Variants in ROBO2 observed in about 807,000 individuals in gnomAD.
ROBO2 encodes roundabout guidance receptor 2, also known as roundabout homolog 2.
Under a neutral mutation model 160.8 loss-of-function variants are expected in ROBO2, and 53 were observed. That is an observed-to-expected ratio of 0.33 (90% CI 0.26 to 0.41). The LOEUF (loss-of-function observed/expected upper bound fraction) is 0.41. Among genes scored for constraint, ROBO2 ranks in the 10% least tolerant of loss-of-function variants. The probability of loss-of-function intolerance (pLI) is 1.00; values close to 1 mark genes in which losing one functional copy is unlikely to be tolerated. For missense variants in ROBO2, 1,577 were observed against 1,722.4 expected, an observed-to-expected ratio of 0.92 and a Z score of 1.49; for synonymous variants, 664 against 611.7, an observed-to-expected ratio of 1.09 and a Z score of -1.26.
chr3:76,660,640 A>G (rs1012441066), intron 2 of ROBO2, among the ~76,000 whole-genome samples: 1 of 152,156 alleles, frequency 6.6e-6, no homozygotes, highest in African/African-American at 2.4e-5. Flanking sequence ...AATCATCTTT[A>G]TTTAGGTCTT....
intron 2 of ROBO2, among the ~76,000 whole-genome samples, chr3:76,733,832 T>C (rs1404784288): frequency 6.6e-6 from 1 of 152,240 alleles, no homozygotes; most frequent in Admixed American, 6.5e-5. Context: ...AACATGCATT[T>C]ATTTCTTATA....
chr3:77,113,722 A>G (rs1185176628), intron 2 of ROBO2, among the ~76,000 whole-genome samples: 3 of 152,174 alleles, frequency 2.0e-5, no homozygotes, highest in Non-Finnish European at 4.4e-5. Flanking sequence ...ATTCATTCTT[A>G]TTTAAGGGTC....
chr3:77,104,435 T>G (rs2072502976), intron 2 of ROBO2, among the ~76,000 whole-genome samples: 1 of 152,180 alleles, frequency 6.6e-6, no homozygotes, highest in East Asian at 1.9e-4. Flanking sequence ...TATTTCATGG[T>G]ATCAACATAA....
At chr3:77,001,193 G>A (rs2061319772) in intron 2 of ROBO2, among the ~76,000 whole-genome samples, 1 of 152,162 alleles carries the variant, frequency 6.6e-6, no homozygotes, top group African/African-American at 2.4e-5. Context: ...GGAAAATAGG[G>A]CAGGAACAGA....
chr3:76,115,801 G>A (rs1193656923), intron 2 of ROBO2, among the ~76,000 whole-genome samples: 2 of 151,942 alleles, frequency 1.3e-5, no homozygotes, highest in African/African-American at 4.8e-5. Flanking sequence ...ACATCTTTCT[G>A]TACCTAAATT....
rs943481589 is a variant in ROBO2 at position 77,360,257 on chromosome 3, C to CA, written c.389-117157_389-117156insA. ...AACAGTTAGAATGTAATGCAACCCC[C>CA]CCCCCAAATTTAGAAGCCCAGGAGG... is the stretch of plus-strand genomic sequence containing the variant. On this transcript the variant is annotated intron_variant, in intron 2 of 25. Coordinates refer to ENST00000461745, the Ensembl canonical transcript of ROBO2. Among the ~76,000 whole-genome samples the CA allele has an allele frequency of 9.3e-5, 14 of 151,032 alleles. No individual in the cohort carries two copies. In the South Asian group the frequency reaches 1.5e-3, roughly 16 times the overall value.
intron 2 of ROBO2, among the ~76,000 whole-genome samples, chr3:76,866,569 C>T (rs1012870935): frequency 8.5e-5 from 13 of 152,072 alleles, no homozygotes; most frequent in African/African-American, 2.7e-4. Context: ...AAATTCAGCA[C>T]TATCCAAGAC....
intron 21 of ROBO2, 22 bp from the exon 23 acceptor site, chr3:77,617,491 T>C (rs1476367676): frequency 2.5e-6 from 4 of 1,613,856 alleles, no homozygotes; most frequent in East Asian, 2.2e-5. Flanking sequence ...TCAATGTGCA[T>C]ATTTTTCTCA....
At chr3:76,769,700 T>A (rs2108485408) in intron 2 of ROBO2, among the ~76,000 whole-genome samples, 1 of 151,572 alleles carries the variant, frequency 6.6e-6, no homozygotes, top group African/African-American at 2.4e-5. Context: ...AATTACTTTA[T>A]TGTCTCTTGC....
chr3:76,890,604 G>A (rs11717916), intron 2 of ROBO2, among the ~76,000 whole-genome samples: 30,948 of 151,964 alleles, frequency 0.2, 3,568 homozygotes, highest in Admixed American at 0.33. Flanking sequence ...TAGATTAGAC[G>A]GGTAAATATA....
chr3:77,289,347 C>A (rs569251180), intron 2 of ROBO2, among the ~76,000 whole-genome samples: 2 of 151,136 alleles, frequency 1.3e-5, no homozygotes, highest in Non-Finnish European at 3.0e-5. Flanking sequence ...GTAAAATTGA[C>A]GGTTAAACGG....
At chr3:76,703,439 A>C (rs2093089034) in intron 2 of ROBO2, among the ~76,000 whole-genome samples, 1 of 152,092 alleles carries the variant, frequency 6.6e-6, no homozygotes, top group South Asian at 2.1e-4. Flanking sequence ...ATAAGTATAC[A>C]CGTACCATGG....
intron 1 of ROBO2, among the ~76,000 whole-genome samples, chr3:77,077,568 G>T (rs527912237): frequency 1.1e-4 from 16 of 152,268 alleles, no homozygotes; most frequent in Non-Finnish European, 2.1e-4. Context: ...AGGCATAAAA[G>T]GTTAGAGGAG....
intron 2 of ROBO2, among the ~76,000 whole-genome samples, chr3:77,340,224 T>C (rs1204072555): frequency 1.3e-5 from 2 of 152,122 alleles, no homozygotes; most frequent in Admixed American, 1.3e-4. Flanking sequence ...ACGAGAATAA[T>C]AAAATAATGC....
chr3:76,210,629 A>C (rs1703083561), intron 2 of ROBO2, among the ~76,000 whole-genome samples: 1 of 152,124 alleles, frequency 6.6e-6, no homozygotes, highest in South Asian at 2.1e-4. Flanking sequence ...TTTGATTGAA[A>C]AATTCTATCT....
At chr3:76,063,010 A>G (rs367701118) in intron 2 of ROBO2, among the ~76,000 whole-genome samples, 3 of 152,204 alleles carry the variant, frequency 2.0e-5, no homozygotes, top group African/African-American at 2.4e-5. Flanking sequence ...TTAGAAATCA[A>G]TTACTGTAAG....
intron 2 of ROBO2, among the ~76,000 whole-genome samples, chr3:76,523,970 C>CTGTGTGTGTGTGTGTATGTGTG (rs2081784912): frequency 7.6e-6 from 1 of 131,938 alleles, no homozygotes; most frequent in South Asian, 2.5e-4. Context: ...AGTGAATATG[C>CTGTGTGTGTGTGTGTATGTGTG]TGTGTGTGTG....
intron 23 of ROBO2, 21 bp from the exon 25 acceptor site, chr3:77,634,849 T>C: frequency 6.2e-7 from 1 of 1,612,478 alleles, no homozygotes; most frequent in Non-Finnish European, 8.5e-7. Context: ...CTAGAACCCA[T>C]TCCCTTTATT....
chr3:76,978,193 A>T (rs2149312964), intron 2 of ROBO2, among the ~76,000 whole-genome samples: 1 of 152,322 alleles, frequency 6.6e-6, no homozygotes, highest in South Asian at 2.1e-4. Context: ...ACCTACTTCA[A>T]GGTGGTGAGA....
Sources: allele counts gnomAD v4.1 joint callset (sites outside exome capture counted in the v4.1 genomes callset), GRCh38; gene constraint gnomAD v4.1.1; transcripts MANE v1.5; gene names NCBI Gene and HGNC (gene_info 2026-07-23, HGNC 2026-07-21).